ZNF536: variants seen among roughly 807,000 people sequenced by gnomAD.
The protein encoded by ZNF536 is zinc finger protein 536.
A neutral mutation model predicts 84.5 loss-of-function variants in ZNF536; 13 were observed. That is an observed-to-expected ratio of 0.15 (90% CI 0.10 to 0.24). ZNF536 has a LOEUF of 0.24. ZNF536 is among the 10% of genes least tolerant of loss of function. The pLI is 1.00. For synonymous variants in ZNF536, 811 were observed against 742.5 expected (o/e 1.09, Z -1.50); for missense variants, 1,536 against 1,747.5 (o/e 0.88, Z 2.16).
chr19:30,285,536 G>T (rs578113704), intron 2 of ZNF536, among the ~76,000 whole-genome samples: 18 of 152,292 alleles, frequency 1.2e-4, no homozygotes, highest in African/African-American at 3.8e-4. Flanking sequence ...AAGCAATTTG[G>T]TTTTTTCCTC....
At chr19:30,337,300 A>T (rs534458614) in intron 2 of ZNF536, among the ~76,000 whole-genome samples, 1 of 152,110 alleles carries the variant, frequency 6.6e-6, no homozygotes, top group South Asian at 2.1e-4. Context: ...GCAATCTCCC[A>T]ACTTCTGCTA....
upstream of ZNF536, among the ~76,000 whole-genome samples, chr19:30,227,601 C>A (rs2022685914): frequency 6.6e-6 from 1 of 151,572 alleles, no homozygotes; most frequent in African/African-American, 2.4e-5. Context: ...CTCGGGCACC[C>A]GGTGCGTCCT....
chr19:30,296,088 A>G (rs1009743235), intron 2 of ZNF536: 1 of 152,244 alleles, frequency 6.6e-6, no homozygotes, highest in Admixed American at 6.5e-5. Flanking sequence ...GTGCTCATTT[A>G]TATGCATGAT....
At chr19:30,592,588 G>A (rs2047313158) in intron 1 of ZNF536, among the ~76,000 whole-genome samples, 1 of 152,168 alleles carries the variant, frequency 6.6e-6, no homozygotes, top group African/African-American at 2.4e-5. Context: ...ACAAGACGTG[G>A]TCACAGTTTA....
At chr19:30,380,603 C>A (rs1017794046) in intron 1 of ZNF536, among the ~76,000 whole-genome samples, 1 of 152,178 alleles carries the variant, frequency 6.6e-6, no homozygotes, top group Non-Finnish European at 1.5e-5. Flanking sequence ...CAGGAAAACC[C>A]AGCTGTGGCA....
chr19:30,590,108 A>G (rs1344366347), intron 1 of ZNF536, among the ~76,000 whole-genome samples: 1 of 152,168 alleles, frequency 6.6e-6, no homozygotes, highest in Admixed American at 6.5e-5. Flanking sequence ...CCTTCTCTCC[A>G]GCAGGCCTGG....
chr19:30,236,368 G>C (rs2023506411), intron 1 of ZNF536, among the ~76,000 whole-genome samples: 1 of 152,204 alleles, frequency 6.6e-6, no homozygotes, highest in African/African-American at 2.4e-5. Flanking sequence ...TCTTTTTAGA[G>C]ATCATTGGTT....
intron 1 of ZNF536, among the ~76,000 whole-genome samples, chr19:30,660,386 C>A (rs556472847): frequency 6.6e-6 from 1 of 152,208 alleles, no homozygotes; most frequent in East Asian, 1.9e-4. Context: ...CTGTTGACAC[C>A]CCTGGTTCTA....
At chr19:30,711,282 C>A (rs1318136117) in exon 2 of ZNF536, 3 of 152,162 alleles carry the variant, frequency 2.0e-5, no homozygotes, top group Admixed American at 6.5e-5. Context: ...GCCCTCTGAG[C>A]TGGAGAGAGC....
At chr19:30,438,983 G>A (rs771367536) in intron 1 of ZNF536, among the ~76,000 whole-genome samples, 9 of 152,094 alleles carry the variant, frequency 5.9e-5, no homozygotes, top group South Asian at 4.1e-4. Context: ...AGGTCTTATC[G>A]TTTGCAGGCA....
intron 3 of ZNF536, among the ~76,000 whole-genome samples, chr19:30,360,643 G>C (rs1282108561): frequency 6.6e-6 from 1 of 152,188 alleles, no homozygotes; most frequent in African/African-American, 2.4e-5. Context: ...GTCAGAAAGA[G>C]CCTGGCCTTG....
At chr19:30,590,194 C>G (rs776737305) in intron 1 of ZNF536, among the ~76,000 whole-genome samples, 12 of 152,266 alleles carry the variant, frequency 7.9e-5, no homozygotes, top group Non-Finnish European at 1.0e-4. Context: ...AGCCTTGACC[C>G]CCTCAGTGGA....
intron 1 of ZNF536, among the ~76,000 whole-genome samples, chr19:30,693,369 G>A (rs1271838049): frequency 2.0e-5 from 3 of 152,140 alleles, no homozygotes; most frequent in Non-Finnish European, 4.4e-5. Context: ...CTGCCCATTT[G>A]TTTTGGTTTA....
At chr19:30,416,977 C>A (rs1282379865) in intron 1 of ZNF536, among the ~76,000 whole-genome samples, 3 of 151,386 alleles carry the variant, frequency 2.0e-5, no homozygotes, top group Non-Finnish European at 4.4e-5. Flanking sequence ...TATATTATTT[C>A]TTTCTTTCTT....
intron 1 of ZNF536, among the ~76,000 whole-genome samples, chr19:30,607,210 A>G (rs573011892): frequency 6.6e-6 from 1 of 152,176 alleles, no homozygotes; most frequent in Non-Finnish European, 1.5e-5. Context: ...CACCTTGTTT[A>G]TGGCTGAGTG....
intron 2 of ZNF536, among the ~76,000 whole-genome samples, chr19:30,528,658 A>G (rs893778323): frequency 2.0e-5 from 3 of 152,058 alleles, no homozygotes; most frequent in African/African-American, 7.2e-5. Context: ...TGTTGTCTCA[A>G]CCTTTGCGTT....
At chr19:30,605,509 A>G (rs564253159) in intron 1 of ZNF536, among the ~76,000 whole-genome samples, 1 of 152,262 alleles carries the variant, frequency 6.6e-6, no homozygotes, top group South Asian at 2.1e-4. Flanking sequence ...GCTGCAAAAC[A>G]CATTGTTTCA....
chr19:30,612,697 G>A (rs2048143470), intron 1 of ZNF536, among the ~76,000 whole-genome samples: 1 of 152,180 alleles, frequency 6.6e-6, no homozygotes, highest in Non-Finnish European at 1.5e-5. Flanking sequence ...TTCTAAAAGA[G>A]TTTAAAAAGA....
At chr19:30,301,939 C>T (rs894003976) in intron 2 of ZNF536, among the ~76,000 whole-genome samples, 15 of 151,944 alleles carry the variant, frequency 9.9e-5, no homozygotes, top group Non-Finnish European at 2.2e-4. Flanking sequence ...CCTCTGCACA[C>T]TGAGGAGGGA....
Sources: allele counts gnomAD v4.1 joint callset (sites outside exome capture counted in the v4.1 genomes callset), GRCh38; gene constraint gnomAD v4.1.1; transcripts MANE v1.5; gene names NCBI Gene and HGNC (gene_info 2026-07-23, HGNC 2026-07-21).